The following CYRIA variants were observed in gnomAD, a reference collection of about 807,000 sequenced individuals.
CYRIA encodes the protein CYFIP-related Rac1 interactor A.
In CYRIA, 15 loss-of-function variants were observed where a neutral mutation model predicts 43.9. The ratio of observed to expected loss-of-function variants is 0.34; its 90% CI spans 0.23 to 0.53. The LOEUF (loss-of-function observed/expected upper bound fraction) is 0.53, where lower values mean the gene tolerates loss of function less well. CYRIA is among the 20% of genes least tolerant of loss of function. CYRIA has a pLI of 0.94. For synonymous variants in CYRIA, 117 were observed against 136.0 expected (o/e 0.86, Z 0.97); for missense variants, 236 against 394.2 (o/e 0.60, Z 3.40).
At chr2:16,628,133 A>G (rs1293392150) in intron 1 of CYRIA, among the ~76,000 whole-genome samples, 7 of 151,116 alleles carry the variant, frequency 4.6e-5, no homozygotes, top group Admixed American at 2.0e-4. Context: ...TGAAGAGCTA[A>G]AGCCAAAAAC....
chr2:16,635,533 T>C (rs1453800058), intron 1 of CYRIA, among the ~76,000 whole-genome samples: 2 of 152,164 alleles, frequency 1.3e-5, no homozygotes, highest in African/African-American at 4.8e-5. Flanking sequence ...GAAATAGCAA[T>C]GCAGTCTCTC....
At chr2:16,620,915 T>G (rs1348796841) in intron 2 of CYRIA, among the ~76,000 whole-genome samples, 1 of 152,116 alleles carries the variant, frequency 6.6e-6, no homozygotes, top group African/African-American at 2.4e-5. Context: ...CTACATCTCA[T>G]CTCCAGGACT....
chr2:16,605,838 C>A (rs1367413080), intron 2 of CYRIA, among the ~76,000 whole-genome samples: 2 of 152,178 alleles, frequency 1.3e-5, no homozygotes, highest in Admixed American at 6.5e-5. Flanking sequence ...CCTCTGAGAG[C>A]AGAGCTGTAG....
At position 16,613,027 on chromosome 2, in the gene CYRIA, C is replaced by T. The variant is rs537829760; in HGVS notation, c.-11+10837G>A. 1.1e-4 allele frequency among the ~76,000 whole-genome samples: 16 copies of T among 152,308 alleles called. No homozygotes were observed. The South Asian group carries it at 2.9e-3, about 28-fold the overall frequency. On this transcript the variant is annotated intron_variant, in intron 2 of 11. Coordinates refer to ENST00000381323, the MANE Select transcript of CYRIA (RefSeq NM_030797.4). Reference sequence around the variant, plus strand: ...GTAAGATGTGACTTTGCTCCTCATTCGTCTTCCTCCTTGACTGTGAGGCCT... The same window carrying T: ...GTAAGATGTGACTTTGCTCCTCATTTGTCTTCCTCCTTGACTGTGAGGCCT...
rs115790645 is a variant in CYRIA at position 16,584,956 on chromosome 2, C to T, written c.70+3094G>A. Among the ~76,000 whole-genome samples the T allele has an allele frequency of 2.7e-3, 417 of 152,184 alleles. 3 individuals carry two copies. Among genetic ancestry groups the T allele is most frequent in the African/African-American group, 9.7e-3 (401 of 41,524 alleles). On this transcript the variant is annotated intron_variant, in intron 3 of 11. Coordinates refer to ENST00000381323, the MANE Select transcript of CYRIA (RefSeq NM_030797.4). ...ATGCCACACTGTGCTCTTGTAAGTC[C>T]TTTATTTATTTCATCTTAAACTGAG... is the stretch of plus-strand genomic sequence containing the variant.
chr2:16,651,583 C>A (rs776441828), intron 1 of CYRIA, among the ~76,000 whole-genome samples: 6 of 152,162 alleles, frequency 3.9e-5, no homozygotes, highest in African/African-American at 9.7e-5. Flanking sequence ...GTGAGTCACG[C>A]CCTGCAATTT....
chr2:16,599,703 A>ACGCTG (rs1480035504), intron 2 of CYRIA, among the ~76,000 whole-genome samples: 3 of 151,210 alleles, frequency 2.0e-5, no homozygotes, highest in African/African-American at 7.3e-5. Context: ...TGCGTCACTC[A>ACGCTG]CGCTGGGAGC....
chr2:16,572,745 AC>A (rs1346495504), intron 3 of CYRIA, among the ~76,000 whole-genome samples: 1 of 152,170 alleles, frequency 6.6e-6, no homozygotes. Flanking sequence ...CACATCCATT[AC>A]TGATCTTGGC....
intron 2 of CYRIA, among the ~76,000 whole-genome samples, chr2:16,588,741 G>A (rs1439707799): frequency 6.6e-6 from 1 of 152,208 alleles, no homozygotes; most frequent in East Asian, 1.9e-4. Context: ...ACATGTATAA[G>A]AGGCCAGATT....
At chr2:16,645,186 A>G (rs896740409) in intron 1 of CYRIA, among the ~76,000 whole-genome samples, 7 of 152,174 alleles carry the variant, frequency 4.6e-5, no homozygotes, top group Non-Finnish European at 7.3e-5. Flanking sequence ...AAAAGCCACA[A>G]ATGACTTATG....
intron 2 of CYRIA, among the ~76,000 whole-genome samples, chr2:16,611,130 C>A (rs548907584): frequency 2.6e-5 from 4 of 151,024 alleles, no homozygotes; most frequent in East Asian, 2.0e-4. Context: ...GAGGCTGAGG[C>A]GGGCAGATCA....
chr2:16,570,206 T>A (rs929425658), intron 3 of CYRIA, among the ~76,000 whole-genome samples: 7 of 152,168 alleles, frequency 4.6e-5, no homozygotes, highest in African/African-American at 1.7e-4. Context: ...TCACCCAGGC[T>A]GGAGTGCAGT....
intron 1 of CYRIA, among the ~76,000 whole-genome samples, chr2:16,661,306 A>C (rs998141217): frequency 2.6e-5 from 4 of 152,092 alleles, no homozygotes; most frequent in African/African-American, 9.7e-5. Flanking sequence ...ACTGAATCCA[A>C]GTCACCTTTG....
intron 2 of CYRIA, among the ~76,000 whole-genome samples, chr2:16,602,105 T>G (rs1167499912): frequency 1.3e-5 from 2 of 152,188 alleles, no homozygotes; most frequent in East Asian, 3.8e-4. Flanking sequence ...GAACAGAAGG[T>G]GAGAAAACAA....
At chr2:16,639,689 G>T (rs973324639) in intron 1 of CYRIA, among the ~76,000 whole-genome samples, 9 of 152,214 alleles carry the variant, frequency 5.9e-5, no homozygotes, top group African/African-American at 1.9e-4. Context: ...GACAGAAATT[G>T]CTGCCACTGG....
intron 2 of CYRIA, among the ~76,000 whole-genome samples, chr2:16,618,835 C>G (rs920560296): frequency 2.0e-5 from 3 of 152,218 alleles, no homozygotes; most frequent in Non-Finnish European, 4.4e-5. Context: ...ATATGCTGCT[C>G]TGACCTCACT....
chr2:16,629,586 C>G (rs1669265925), intron 1 of CYRIA, among the ~76,000 whole-genome samples: 1 of 152,188 alleles, frequency 6.6e-6, no homozygotes, highest in Non-Finnish European at 1.5e-5. Context: ...TCAGAGGCCC[C>G]AGAGAAGCCT....
intron 9 of CYRIA, 40 bp downstream of exon 9, chr2:16,560,950 G>T: frequency 1.3e-6 from 2 of 1,540,666 alleles, no homozygotes; most frequent in Non-Finnish European, 1.8e-6. Context: ...CACTGGCTGG[G>T]TGAAGTCTCA....
intron 2 of CYRIA, 33 bp from the exon 3 acceptor site, chr2:16,588,162 A>G: frequency 7.1e-7 from 1 of 1,405,832 alleles, no homozygotes; most frequent in Non-Finnish European, 9.9e-7. Flanking sequence ...AAATACCATT[A>G]GCAACATAAA....
Sources: allele counts gnomAD v4.1 joint callset (sites outside exome capture counted in the v4.1 genomes callset), GRCh38; gene constraint gnomAD v4.1.1; transcripts MANE v1.5; gene names NCBI Gene and HGNC (gene_info 2026-07-23, HGNC 2026-07-21).